RNPC3: variants seen among roughly 807,000 people sequenced by gnomAD.
The protein encoded by RNPC3 is RNA binding region (RNP1, RRM) containing 3, also known as RNA-binding region-containing protein 3.
RNPC3 carries 48 observed loss-of-function variants against 67.5 expected under a neutral mutation model. That is an observed-to-expected ratio of 0.71 (90% CI 0.56 to 0.90). The LOEUF (loss-of-function observed/expected upper bound fraction) is 0.90, where lower values mean the gene tolerates loss of function less well. RNPC3 is among the 40% of genes least tolerant of loss of function. The pLI is 0.00. For synonymous variants in RNPC3, 239 were observed against 210.3 expected, an observed-to-expected ratio of 1.14 and a Z score of -1.18; for missense variants, 637 against 626.1, an observed-to-expected ratio of 1.02 and a Z score of -0.19.
chr1:103,543,453 G>T lies in RNPC3; in HGVS notation c.1045+6G>T. 2 of 1,474,708 alleles carry T rather than the reference G, an allele frequency of 1.4e-6. No homozygotes were observed. The highest frequency in any genetic ancestry group is 1.8e-6 in the Non-Finnish European group (2 of 1,117,250). The allele number at this position is 1,474,708 out of a possible 1,614,324, so 91.4% of individuals were successfully genotyped here. ...TTGTGAGGAAAAAAATCATGGTAAGGATATTCTAGTTATTTCACATGCTGA... is the reference window on the plus strand; with the variant it reads ...TTGTGAGGAAAAAAATCATGGTAAGTATATTCTAGTTATTTCACATGCTGA... On this transcript the variant is annotated splice_donor_region_variant and intron_variant, in intron 9 of 14. Transcript: ENST00000423855.
chr1:103,549,206 C>T (rs1306410538), intron 12 of RNPC3, among the ~76,000 whole-genome samples: 1 of 152,046 alleles, frequency 6.6e-6, no homozygotes, highest in Non-Finnish European at 1.5e-5. Context: ...TGAAAGACTC[C>T]CTGTCATATA....
At chr1:103,534,365 G>A (rs1031275328) in intron 3 of RNPC3, among the ~76,000 whole-genome samples, 1 of 151,968 alleles carries the variant, frequency 6.6e-6, no homozygotes, top group Admixed American at 6.6e-5. Context: ...AGGGATGGAA[G>A]GGATGGGAAA....
chr1:103,554,749 A>G (rs1651491540), intron 14 of RNPC3: 1 of 152,620 alleles, frequency 6.6e-6, no homozygotes, highest in African/African-American at 2.4e-5. Context: ...AAAATCTGCT[A>G]CTATTATTAG....
chr1:103,537,353 T>C lies in RNPC3; in HGVS notation c.636T>C (p.Tyr212=), dbSNP rs1651010909. Residue 212 remains tyrosine (Y), a synonymous_variant, in exon 7 of 15, where the codon TAT becomes TAC. Transcript: ENST00000423855. ...ITARPPMYED[Y]MPLHAPLPPT... is the part of the protein sequence containing the mutation. ...ATTCTTTTAATTAGTATGAAGACTA[T>C]ATGCCATTGCATGCACCTCTTCCAC... 2 of 1,534,610 alleles carry C rather than the reference T, an allele frequency of 1.3e-6. No individual in the cohort carries two copies. The highest frequency in any genetic ancestry group is 1.7e-6 in the Non-Finnish European group (2 of 1,146,030).
intron 12 of RNPC3, 32 bp from the exon 13 acceptor site, chr1:103,550,909 T>G (rs775853367): frequency 3.1e-6 from 5 of 1,603,556 alleles, no homozygotes; most frequent in Non-Finnish European, 4.3e-6. Context: ...GAAACTGACA[T>G]TCTTTGAATC....
intron 14 of RNPC3, chr1:103,553,893 A>G (rs1651462429): frequency 6.6e-6 from 1 of 152,122 alleles, no homozygotes; most frequent in Non-Finnish European, 1.5e-5. Context: ...AGAGAAGAAA[A>G]GCGTAATAGA....
chr1:103,529,790 G>A (rs1299203177), intron 2 of RNPC3, among the ~76,000 whole-genome samples: 2 of 152,156 alleles, frequency 1.3e-5, no homozygotes, highest in African/African-American at 2.4e-5. Flanking sequence ...GACACAGACT[G>A]GTACCCAGCC....
chr1:103,546,961 C>A lies in RNPC3; in HGVS notation c.1303-16C>A. 1 of 1,323,218 alleles carries A rather than the reference C, an allele frequency of 7.6e-7. No individual in the cohort carries two copies. The highest frequency in any genetic ancestry group is 1.0e-6 in the Non-Finnish European group (1 of 972,208). The allele number at this position is 1,323,218 out of a possible 1,614,324, so 82.0% of individuals were successfully genotyped here. A position where few individuals can be genotyped will look rare whatever the true frequency, so the allele number is the denominator to read the frequency against. On this transcript the variant is annotated splice_polypyrimidine_tract_variant and intron_variant, in intron 11 of 14. Coordinates refer to ENST00000423855, the MANE Select transcript of RNPC3 (RefSeq NM_017619.4). ...CCCTGGCTTTGTTATTTGTCTTTTT[C>A]TTATTGAAATTCTAGGACCTTAAAT...
chr1:103,530,954 T>C (rs141692116), intron 2 of RNPC3, among the ~76,000 whole-genome samples: 1 of 152,286 alleles, frequency 6.6e-6, no homozygotes, highest in African/African-American at 2.4e-5. Context: ...CCAAGCAATA[T>C]ACACTGTGCC....
At chr1:103,531,224 C>T (rs1462819758) in intron 2 of RNPC3, among the ~76,000 whole-genome samples, 4 of 151,746 alleles carry the variant, frequency 2.6e-5, no homozygotes, top group African/African-American at 7.3e-5. Flanking sequence ...ATATATATAC[C>T]ATAATTTCTT....
chr1:103,548,908 T>C (rs1162329366), intron 12 of RNPC3, among the ~76,000 whole-genome samples: 1 of 152,114 alleles, frequency 6.6e-6, no homozygotes, highest in African/African-American at 2.4e-5. Flanking sequence ...GAGGAGCAAG[T>C]CACATTTTAT....
At chr1:103,527,582 C>G in intron 1 of RNPC3, 113 bp from the exon 2 acceptor site, 1 of 788,526 alleles carries the variant, frequency 1.3e-6, no homozygotes, top group Non-Finnish European at 2.1e-6. Context: ...GAGTTTTCAT[C>G]CTTTCCCGTG....
intron 7 of RNPC3, 53 bp from the exon 8 acceptor site, chr1:103,541,297 T>C: frequency 7.4e-7 from 1 of 1,352,696 alleles, no homozygotes; most frequent in Non-Finnish European, 9.7e-7. Flanking sequence ...CAGTGGTAAA[T>C]AGCTATGCTT....
intron 7 of RNPC3, among the ~76,000 whole-genome samples, chr1:103,540,482 A>G (rs918603136): frequency 2.0e-5 from 3 of 152,186 alleles, no homozygotes; most frequent in Admixed American, 6.5e-5. Flanking sequence ...TGGGTCAGCA[A>G]TTTATAAATA....
At chr1:103,545,738 T>A (rs1168919421) in intron 10 of RNPC3, 1 of 152,380 alleles carries the variant, frequency 6.6e-6, no homozygotes, top group East Asian at 1.9e-4. Flanking sequence ...CCATGGTTTG[T>A]CTGAGATGCC....
rs1052180794 is a variant in RNPC3, at chr1:103,535,421, G to A, written c.535G>A (p.Val179Met). 3.0e-5 allele frequency: 46 copies of A among 1,534,540 alleles called. No homozygotes were observed. The highest frequency in any genetic ancestry group is 2.9e-4 in the Admixed American group (15 of 50,908). Residue 179 changes from valine (V) to methionine (M), a missense_variant, in exon 5 of 15, where the codon GTG becomes ATG. Transcript: ENST00000423855. Reference protein sequence around the residue: ...LANIVNALASVPKFYVQVLHL... With the variant: ...LANIVNALASMPKFYVQVLHL... ...AAACATTGTAAATGCCTTGGCAAGC[G>A]TGCCTAAGTTCTATGTACAGGTAAG...
At chr1:103,546,739 A>T (rs1651252808) in intron 11 of RNPC3, 1 of 397,714 alleles carries the variant, frequency 2.5e-6, no homozygotes, top group Non-Finnish European at 4.4e-6. Context: ...GAAGCTGGCG[A>T]ACTTTCACCT....
At chr1:103,547,250 T>C (rs2101051556) in intron 12 of RNPC3, among the ~76,000 whole-genome samples, 1 of 152,316 alleles carries the variant, frequency 6.6e-6, no homozygotes, top group African/African-American at 2.4e-5. Context: ...ATATTTTTAT[T>C]TTATTGCAGA....
At chr1:103,550,280 A>G (rs1353214678) in intron 12 of RNPC3, among the ~76,000 whole-genome samples, 1 of 151,998 alleles carries the variant, frequency 6.6e-6, no homozygotes, top group Non-Finnish European at 1.5e-5. Flanking sequence ...TGTTTTTTTA[A>G]TCACTTGAGC....
Sources: gnomAD v4.1 joint callset for allele counts (sites outside exome capture counted in the v4.1 genomes callset) on GRCh38, gnomAD v4.1.1 for gene constraint, MANE v1.5 for transcripts, NCBI Gene and HGNC (gene_info 2026-07-23, HGNC 2026-07-21) for gene names.